The following SEPTIN9 variants were observed in gnomAD, a reference collection of about 807,000 sequenced individuals.
SEPTIN9 encodes septin-9.
A neutral mutation model predicts 56.6 loss-of-function variants in SEPTIN9; 13 were observed. The ratio of observed to expected loss-of-function variants is 0.23; its 90% CI spans 0.15 to 0.37. SEPTIN9 has a LOEUF of 0.37. Among genes scored for constraint, SEPTIN9 ranks in the 10% least tolerant of loss-of-function variants. The pLI, the probability that SEPTIN9 is intolerant of heterozygous loss-of-function variation, is 1.00. For synonymous variants in SEPTIN9, 332 were observed against 334.1 expected (o/e 0.99, Z 0.07); for missense variants, 650 against 823.1 (o/e 0.79, Z 2.57).
intron 2 of SEPTIN9, chr17:77,373,293 G>T: frequency 8.6e-7 from 1 of 1,158,342 alleles, no homozygotes; most frequent in South Asian, 4.2e-5. Flanking sequence ...GGCGGGGCGG[G>T]GGCGCAGCGC....
At position 77,319,339 on chromosome 17, in the gene SEPTIN9, C is replaced by T. The variant is rs1013702902; in HGVS notation, c.76+12142C>T. On this transcript the variant is annotated intron_variant, in intron 2 of 11. Transcript: ENST00000427177. This position sits in a 1 kb window ranked among gnomAD's most constrained non-coding sequence, Gnocchi z 5.3. Reference sequence around the variant, plus strand: ...GTAAGTAAGCAGCCTCTGAGGACCCCGGATGAACAGTGGGGAACAGCACTG... The same window carrying T: ...GTAAGTAAGCAGCCTCTGAGGACCCTGGATGAACAGTGGGGAACAGCACTG... Among the ~76,000 whole-genome samples the T allele has an allele frequency of 6.6e-6, 1 of 152,216 alleles. No homozygotes were observed. Among genetic ancestry groups the T allele is most frequent in the African/African-American group, 2.4e-5 (1 of 41,468 alleles).
intron 2 of SEPTIN9, among the ~76,000 whole-genome samples, chr17:77,334,767 T>C (rs1833497118): frequency 6.6e-6 from 1 of 152,186 alleles, no homozygotes; most frequent in African/African-American, 2.4e-5. Flanking sequence ...TAACCTATTA[T>C]AGCCGTCAGG....
intron 1 of SEPTIN9, among the ~76,000 whole-genome samples, chr17:77,301,382 A>T (rs571000741): frequency 2.9e-5 from 4 of 140,164 alleles, no homozygotes; most frequent in African/African-American, 7.9e-5. Context: ...AAGAAAAAAA[A>T]TGGGAATAGA....
chr17:77,350,405 G>A (rs1381589521), intron 2 of SEPTIN9, among the ~76,000 whole-genome samples: 2 of 152,206 alleles, frequency 1.3e-5, no homozygotes. Context: ...GCTACCAGTG[G>A]CATGCAGGAG....
chr17:77,431,832 A>G (rs2037149255), intron 3 of SEPTIN9, among the ~76,000 whole-genome samples: 2 of 134,714 alleles, frequency 1.5e-5, no homozygotes, highest in Admixed American at 7.0e-5. Context: ...TGCTGTCTCA[A>G]AAAAAAAAAA....
intron 2 of SEPTIN9, among the ~76,000 whole-genome samples, chr17:77,396,485 A>T (rs2035717743): frequency 6.6e-6 from 1 of 152,146 alleles, no homozygotes; most frequent in African/African-American, 2.4e-5. Context: ...CACAGGGAAG[A>T]TGGAGACGTG....
At chr17:77,398,887 A>G (rs1387968534) in intron 2 of SEPTIN9, among the ~76,000 whole-genome samples, 1 of 152,200 alleles carries the variant, frequency 6.6e-6, no homozygotes, top group Non-Finnish European at 1.5e-5. Context: ...CGAAACACCC[A>G]GAGGGATCAT....
At chr17:77,398,716 C>A (rs992976204) in intron 2 of SEPTIN9, among the ~76,000 whole-genome samples, 1 of 152,226 alleles carries the variant, frequency 6.6e-6, no homozygotes, top group Non-Finnish European at 1.5e-5. Context: ...CAGTTGTATT[C>A]TCTTGCAGTT....
chr17:77,282,602 G>A (rs903665089), intron 1 of SEPTIN9, among the ~76,000 whole-genome samples: 7 of 152,206 alleles, frequency 4.6e-5, no homozygotes, highest in Non-Finnish European at 8.8e-5. Context: ...ACCAAAATGA[G>A]TGATAAAGTA....
intron 3 of SEPTIN9, among the ~76,000 whole-genome samples, chr17:77,465,182 T>C (rs980450336): frequency 1.3e-5 from 2 of 152,250 alleles, no homozygotes; most frequent in Non-Finnish European, 2.9e-5. Flanking sequence ...TTCATTCTTT[T>C]TCATGGCCGA....
At position 77,388,394 on chromosome 17, in the gene SEPTIN9, A is replaced by G. The variant is rs192277551; in HGVS notation, c.77-13665A>G. On this transcript the variant is annotated intron_variant, in intron 2 of 11. Transcript: ENST00000427177. ...CACCCACCACCCCCTTTTACCTGTGACTCTTCTTTGTCAACCTCTTCATGT... is the reference window on the plus strand; with the variant it reads ...CACCCACCACCCCCTTTTACCTGTGGCTCTTCTTTGTCAACCTCTTCATGT... 2.0e-5 allele frequency among the ~76,000 whole-genome samples: 3 copies of G among 151,712 alleles called. No homozygotes were observed. The East Asian group carries it at 5.8e-4, about 29-fold the overall frequency.
chr17:77,287,120 G>C (rs1043386156), intron 1 of SEPTIN9, among the ~76,000 whole-genome samples: 1 of 152,228 alleles, frequency 6.6e-6, no homozygotes, highest in African/African-American at 2.4e-5. Flanking sequence ...TAGCCAGGCA[G>C]GCCTGACGGC....
chr17:77,385,078 T>A (rs891300008), intron 2 of SEPTIN9, among the ~76,000 whole-genome samples: 1 of 151,698 alleles, frequency 6.6e-6, no homozygotes, highest in African/African-American at 2.4e-5. Context: ...GTGCCCGTAA[T>A]CCCAACACTC....
At chr17:77,316,103 C>T (rs1264201770) in intron 2 of SEPTIN9, among the ~76,000 whole-genome samples, 1 of 152,218 alleles carries the variant, frequency 6.6e-6, no homozygotes, top group East Asian at 1.9e-4. Context: ...GCAAATGTGC[C>T]TCTGAATCTA....
Position 77,402,233 on chromosome 17 carries a change from G to A in SEPTIN9, c.251G>A (p.Arg84His), listed in dbSNP as rs778538881. 6.2e-6 allele frequency: 10 copies of A among 1,613,270 alleles called. No individual in the cohort carries two copies. Among genetic ancestry groups the A allele is most frequent in the East Asian group, 2.2e-5 (1 of 44,876 alleles). Reference sequence around the variant, plus strand: ...CGCCATGTGGACTCCCTAAGCCAACGCTCCCCCAAGGCGTCCCTGCGGAGG... The same window carrying A: ...CGCCATGTGGACTCCCTAAGCCAACACTCCCCCAAGGCGTCCCTGCGGAGG... Reference protein sequence around the residue: ...SARHVDSLSQRSPKASLRRVE... With the variant: ...SARHVDSLSQHSPKASLRRVE... The change falls in exon 3 of 12, where the codon CGC (arginine) becomes CAC (histidine). Residue 84 changes from arginine (R) to histidine (H), a missense_variant. Arg to His is a conservative substitution (Grantham distance 29). Coordinates refer to ENST00000427177, the MANE Select transcript of SEPTIN9 (RefSeq NM_001113491.2). This position sits in a 1 kb window ranked among gnomAD's most constrained non-coding sequence, Gnocchi z 6.6.
Position 77,299,960 on chromosome 17 carries a change from C to T in SEPTIN9, c.20-7181C>T, listed in dbSNP as rs190874076. Among the ~76,000 whole-genome samples the T allele has an allele frequency of 1.1e-4, 16 of 152,354 alleles. No individual in the cohort carries two copies. The East Asian group carries it at 1.9e-3, about 18-fold the overall frequency. On this transcript the variant is annotated intron_variant, in intron 1 of 11. Transcript: ENST00000427177. ...TACCCCAAACAGAGGCCAACGGCAC[C>T]GCACCAGAACCAGTGTGCTGCCTCC...
intron 1 of SEPTIN9, among the ~76,000 whole-genome samples, chr17:77,304,965 C>T (rs983234335): frequency 6.6e-6 from 1 of 152,108 alleles, no homozygotes; most frequent in East Asian, 1.9e-4. Context: ...TCATCCTCCT[C>T]CCCGCTCCTC....
intron 2 of SEPTIN9, among the ~76,000 whole-genome samples, chr17:77,387,108 C>G (rs1005264591): frequency 6.6e-6 from 1 of 152,208 alleles, no homozygotes. Flanking sequence ...GCTGGGGCTG[C>G]TGCAACAAAG....
intron 1 of SEPTIN9, among the ~76,000 whole-genome samples, chr17:77,306,936 C>T (rs533638730): frequency 6.6e-6 from 1 of 152,322 alleles, no homozygotes; most frequent in South Asian, 2.1e-4. Context: ...AGGGCCCCTC[C>T]AGCAGCCAGA....
Sources: gnomAD v4.1 joint callset for allele counts (sites outside exome capture counted in the v4.1 genomes callset) on GRCh38, gnomAD v4.1.1 for gene constraint, Gnocchi (gnomAD v3.1) non-coding constraint, MANE v1.5 for transcripts, NCBI Gene and HGNC (gene_info 2026-07-23, HGNC 2026-07-21) for gene names.